LAMTOR1: variants seen among roughly 807,000 people sequenced by gnomAD.
LAMTOR1 encodes late endosomal/lysosomal adaptor, MAPK and MTOR activator 1, also known as ragulator complex protein LAMTOR1.
Under a neutral mutation model 20.5 loss-of-function variants are expected in LAMTOR1, and 8 were observed. The observed-to-expected ratio is 0.39, with a 90% confidence interval of 0.23 to 0.70. The LOEUF (loss-of-function observed/expected upper bound fraction) is 0.70, where lower values mean the gene tolerates loss of function less well. LAMTOR1 is among the 30% of genes least tolerant of loss of function. The probability of loss-of-function intolerance (pLI) is 0.43; values close to 1 mark genes in which losing one functional copy is unlikely to be tolerated. For missense variants in LAMTOR1, 135 were observed against 206.2 expected (o/e 0.65, Z 2.11); for synonymous variants, 77 against 80.9 (o/e 0.95, Z 0.26).
Position 72,098,780 on chromosome 11 carries a change from C to T in LAMTOR1, c.266+1G>A. 6.5e-7 allele frequency: 1 copy of T among 1,543,494 alleles called. No individual in the cohort carries two copies. Among genetic ancestry groups the T allele is most frequent in the Non-Finnish European group, 8.7e-7 (1 of 1,143,920 alleles). On this transcript the variant is annotated splice_donor_variant, in intron 3 of 4. Coordinates refer to ENST00000278671, the MANE Select transcript of LAMTOR1 (RefSeq NM_017907.3). LOFTEE classifies it high-confidence loss of function. Reference sequence around the variant, plus strand: ...GGGACCCACGCTGGCCAGGTGCTCACCTGTACTGCCTGGCACGGTCCATGT... The same window carrying T: ...GGGACCCACGCTGGCCAGGTGCTCATCTGTACTGCCTGGCACGGTCCATGT...
In LAMTOR1 at chr11:72,097,357, A is replaced by T. The variant is rs1220583470; in HGVS notation, c.*465T>A. 2.0e-6 allele frequency: 2 copies of T among 996,360 alleles called. No homozygotes were observed. Among genetic ancestry groups the T allele is most frequent in the African/African-American group, 3.5e-5 (2 of 57,428 alleles). The allele number at this position is 996,360 out of a possible 1,614,324, so 61.7% of individuals were successfully genotyped here. ...ACAAAAAAAGACCAAACATGTAAAAACCCAGGGTTCTAGAAATACAAACTC... is the reference window on the plus strand; with the variant it reads ...ACAAAAAAAGACCAAACATGTAAAATCCCAGGGTTCTAGAAATACAAACTC... On this transcript the variant is annotated 3_prime_UTR_variant, in exon 5 of 5. Coordinates refer to ENST00000278671, the MANE Select transcript of LAMTOR1 (RefSeq NM_017907.3).
In LAMTOR1 at chr11:72,099,144, G is replaced by T. The variant is rs1490656675; in HGVS notation, c.155C>A (p.Ala52Asp). The change falls in exon 2 of 5, where the codon GCC becomes GAC. Residue 52 changes from alanine (A) to aspartate (D), a missense_variant. Ala to Asp is a moderately radical substitution (Grantham distance 126). Transcript: ENST00000278671. ...SLPSARTDEQ[A>D]LLSSILAKTA... ...CTTGGCAAGGATGGAAGAGAGCAGG[G>T]CCTGCTCATCAGTGCGAGCGGAAGG... The T allele has an allele frequency of 6.2e-7, 1 of 1,613,970 alleles. No individual in the cohort carries two copies.
chr11:72,103,262 A>T lies in LAMTOR1; in HGVS notation c.-38T>A. The stretch of plus-strand genomic sequence containing the variant: ...GCCGGGCGCTCAGGCCGCGCCGAGG[A>T]GGGACGGCGTCCGTGAGGAGCCCTT... On this transcript the variant is annotated 5_prime_UTR_variant, in exon 1 of 5. Coordinates refer to ENST00000278671, the MANE Select transcript of LAMTOR1 (RefSeq NM_017907.3). The T allele has an allele frequency of 6.5e-7, 1 of 1,548,506 alleles. No homozygotes were observed. Among genetic ancestry groups the T allele is most frequent in the Middle Eastern group, 1.8e-4 (1 of 5,604 alleles).
At chr11:72,099,352 A>G in intron 1 of LAMTOR1, 96 bp from the exon 2 acceptor site, 1 of 1,349,360 alleles carries the variant, frequency 7.4e-7, no homozygotes, top group African/African-American at 1.5e-5. Context: ...TTAAACACCA[A>G]AAATGTTTCT....
chr11:72,103,025 G>A (rs1945504019), intron 1 of LAMTOR1, among the ~76,000 whole-genome samples, 158 bp downstream of exon 1: 1 of 152,222 alleles, frequency 6.6e-6, no homozygotes, highest in East Asian at 1.9e-4. Flanking sequence ...ACAGGGGTAG[G>A]AGCCCGGCTT....
At position 72,103,054 on chromosome 11, in the gene LAMTOR1, T is replaced by C. The variant is rs541270469; in HGVS notation, c.42+129A>G. The C allele has an allele frequency of 1.5e-4, 184 of 1,240,268 alleles. No individual in the cohort carries two copies. In the African/African-American group the frequency reaches 2.4e-3, roughly 16 times the overall value. 76.8% of individuals were successfully genotyped at this position (1,240,268 alleles called of 1,614,324 possible). A position where few individuals can be genotyped will look rare whatever the true frequency, so the allele number is the denominator to read the frequency against. On this transcript the variant is annotated intron_variant, in intron 1 of 4. Transcript: ENST00000278671. ...CCGGCTTGGCGTCTCCTCTGTAATC[T>C]GTCCCCTCCAGGCCTCCGTATTCAG...
intron 3 of LAMTOR1, 64 bp from the exon 4 acceptor site, chr11:72,098,479 T>C (rs1001460409): frequency 6.4e-7 from 1 of 1,550,508 alleles, no homozygotes; most frequent in Non-Finnish European, 8.7e-7. Flanking sequence ...CCAGCCCAGG[T>C]AAGCCTCATC....
chr11:72,100,028 C>G (rs749801079), intron 1 of LAMTOR1, among the ~76,000 whole-genome samples: 1 of 151,880 alleles, frequency 6.6e-6, no homozygotes, highest in Non-Finnish European at 1.5e-5. Context: ...TTTGGGAGCC[C>G]AAGGCAGAAG....
chr11:72,098,700 G>A, intron 3 of LAMTOR1, 81 bp downstream of exon 3: 1 of 1,068,586 alleles, frequency 9.4e-7, no homozygotes, highest in Non-Finnish European at 1.3e-6. Flanking sequence ...CTTGGACTAG[G>A]GGCCAGGCTC....
In LAMTOR1 at chr11:72,103,266, A is replaced by ACGGCGTCCGTGAGGAGCCC. The variant is rs1327256186; in HGVS notation, c.-61_-43dup. On this transcript the variant is annotated 5_prime_UTR_variant, in exon 1 of 5. Coordinates refer to ENST00000278671, the MANE Select transcript of LAMTOR1 (RefSeq NM_017907.3). The stretch of plus-strand genomic sequence containing the variant: ...GGCGCTCAGGCCGCGCCGAGGAGGG[A>ACGGCGTCCGTGAGGAGCCC]CGGCGTCCGTGAGGAGCCCTTCCGG... The ACGGCGTCCGTGAGGAGCCC allele has an allele frequency of 6.5e-7, 1 of 1,547,252 alleles. No individual in the cohort carries two copies. Among genetic ancestry groups the ACGGCGTCCGTGAGGAGCCC allele is most frequent in the South Asian group, 1.2e-5 (1 of 83,936 alleles).
At chr11:72,101,163 G>C (rs1945422998) in intron 1 of LAMTOR1, among the ~76,000 whole-genome samples, 1 of 152,170 alleles carries the variant, frequency 6.6e-6, no homozygotes, top group South Asian at 2.1e-4. Context: ...AAGATCAAGT[G>C]AACAACAAGG....
At chr11:72,101,703 T>C (rs573877860) in intron 1 of LAMTOR1, among the ~76,000 whole-genome samples, 198 of 152,282 alleles carry the variant, frequency 1.3e-3, no homozygotes, top group African/African-American at 4.4e-3. Context: ...TGGCCCTTGC[T>C]ACATGAGGCC....
chr11:72,103,102 C>G (rs1945509536), intron 1 of LAMTOR1, 81 bp downstream of exon 1: 13 of 1,514,088 alleles, frequency 8.6e-6, no homozygotes, highest in Admixed American at 2.0e-5. Flanking sequence ...TCCGGCTGCC[C>G]GTCCTCCGCA....
chr11:72,103,021 G>A (rs1945503760), intron 1 of LAMTOR1, among the ~76,000 whole-genome samples, 162 bp downstream of exon 1: 1 of 152,210 alleles, frequency 6.6e-6, no homozygotes, highest in East Asian at 1.9e-4. Flanking sequence ...TTTAACAGGG[G>A]TAGGAGCCCG....
chr11:72,101,852 T>A (rs116628736), intron 1 of LAMTOR1, among the ~76,000 whole-genome samples: 3,466 of 152,280 alleles, frequency 0.023, 133 homozygotes, highest in African/African-American at 0.079. Flanking sequence ...TCCTTTCTCA[T>A]ACGGCATTAA....
intron 1 of LAMTOR1, among the ~76,000 whole-genome samples, chr11:72,100,296 T>C (rs1945392167): frequency 6.6e-6 from 1 of 152,270 alleles, no homozygotes; most frequent in East Asian, 1.9e-4. Context: ...CCTCCCTTGC[T>C]AAACCACCTG....
intron 1 of LAMTOR1, among the ~76,000 whole-genome samples, chr11:72,102,343 C>A (rs901718050): frequency 3.3e-5 from 5 of 152,174 alleles, no homozygotes; most frequent in African/African-American, 1.2e-4. Context: ...CCAGGCAGGG[C>A]AGGGATTAGA....
In LAMTOR1 at chr11:72,097,971, A is replaced by G. The variant is rs547948757; in HGVS notation, c.394-57T>C. The stretch of plus-strand genomic sequence containing the variant: ...ACAGAGACAGGTGAGGAGGGCAATC[A>G]GGAAAAATGGGGAGGGGAGATTAGA... On this transcript the variant is annotated intron_variant, in intron 4 of 4. Transcript: ENST00000278671. The G allele has an allele frequency of 4.4e-5, 67 of 1,524,086 alleles. No individual in the cohort carries two copies. In the South Asian group the frequency reaches 8.6e-4, roughly 20 times the overall value. The allele number at this position is 1,524,086 out of a possible 1,614,324, so 94.4% of individuals were successfully genotyped here. A position where few individuals can be genotyped will look rare whatever the true frequency, so the allele number is the denominator to read the frequency against.
intron 4 of LAMTOR1, 187 bp from the exon 5 acceptor site, chr11:72,098,101 T>C (rs1049389540): frequency 9.9e-7 from 1 of 1,006,864 alleles, no homozygotes; most frequent in Non-Finnish European, 1.4e-6. Flanking sequence ...ACAATAAAGG[T>C]TGCAGGAAGG....
Sources: gnomAD v4.1 joint callset for allele counts (sites outside exome capture counted in the v4.1 genomes callset) on GRCh38, gnomAD v4.1.1 for gene constraint, MANE v1.5 for transcripts, NCBI Gene and HGNC (gene_info 2026-07-23, HGNC 2026-07-21) for gene names.